The following NNT variants were observed in gnomAD, a reference collection of about 807,000 sequenced individuals.
NNT encodes nicotinamide nucleotide transhydrogenase.
Under a neutral mutation model 104.8 loss-of-function variants are expected in NNT, and 50 were observed. That is an observed-to-expected ratio of 0.48 (90% CI 0.38 to 0.60). The LOEUF is 0.60. Among genes scored for constraint, NNT ranks in the 20% least tolerant of loss-of-function variants. NNT has a pLI of 0.00. For missense variants in NNT, 1,131 were observed against 1,330.7 expected (o/e 0.85, Z 2.33); for synonymous variants, 461 against 490.4 (o/e 0.94, Z 0.79).
intron 17 of NNT, among the ~76,000 whole-genome samples, chr5:43,666,270 G>T (rs948315094): frequency 1.1e-4 from 16 of 152,098 alleles, no homozygotes; most frequent in African/African-American, 3.1e-4. Flanking sequence ...GTAGCCAGCC[G>T]AGAGCATGCC....
chr5:43,689,611 G>T (rs1742160829), intron 19 of NNT, among the ~76,000 whole-genome samples: 1 of 152,062 alleles, frequency 6.6e-6, no homozygotes. Flanking sequence ...TTTCGCGTGT[G>T]GCTTACAATT....
chr5:43,695,828 G>C (rs960301071), intron 19 of NNT, among the ~76,000 whole-genome samples: 12 of 152,196 alleles, frequency 7.9e-5, no homozygotes, highest in African/African-American at 2.9e-4. Context: ...AGCCAAAAAA[G>C]AGAGCTTGTG....
At chr5:43,645,653 A>ATCTCTCTCTC (rs372296149) in intron 10 of NNT, 143 bp downstream of exon 10, 45 of 68,552 alleles carry the variant, frequency 6.6e-4, no homozygotes, top group African/African-American at 1.1e-3. Flanking sequence ...CTATCTATCT[A>ATCTCTCTCTC]TCTCTCTCTC....
At chr5:43,636,920 T>G (rs549635544) in intron 7 of NNT, among the ~76,000 whole-genome samples, 1 of 152,306 alleles carries the variant, frequency 6.6e-6, no homozygotes, top group East Asian at 1.9e-4. Context: ...AAATAGATCT[T>G]TAGGAATTTT....
chr5:43,629,314 T>C (rs569521602), intron 7 of NNT, among the ~76,000 whole-genome samples: 9 of 152,364 alleles, frequency 5.9e-5, no homozygotes, highest in African/African-American at 2.2e-4. Context: ...TTGTTCCTTT[T>C]TGTGGCTGAG....
intron 1 of NNT, among the ~76,000 whole-genome samples, chr5:43,608,834 G>A (rs934120844): frequency 6.6e-6 from 1 of 152,204 alleles, no homozygotes; most frequent in African/African-American, 2.4e-5. Context: ...ATATGTGTGT[G>A]TATTAAAGCT....
intron 12 of NNT, among the ~76,000 whole-genome samples, 195 bp downstream of exon 12, chr5:43,650,782 G>A (rs12516443): frequency 1.3e-5 from 2 of 152,170 alleles, no homozygotes; most frequent in Non-Finnish European, 2.9e-5. Flanking sequence ...ACAACCCCCA[G>A]ATCCCCAAAA....
chr5:43,681,388 TA>T (rs1741709114), intron 19 of NNT, among the ~76,000 whole-genome samples: 1 of 152,226 alleles, frequency 6.6e-6, no homozygotes, highest in South Asian at 2.1e-4. Flanking sequence ...ACTTTCAACT[TA>T]TTTTTTTTAA....
intron 7 of NNT, among the ~76,000 whole-genome samples, chr5:43,641,576 TAATC>T (rs1348042941): frequency 7.9e-5 from 12 of 152,244 alleles, no homozygotes; most frequent in Admixed American, 2.0e-4. Context: ...TATGTAATAT[TAATC>T]TATGTATATA....
At chr5:43,616,659 T>C (rs1399013018) in intron 4 of NNT, among the ~76,000 whole-genome samples, 1 of 152,196 alleles carries the variant, frequency 6.6e-6, no homozygotes, top group African/African-American at 2.4e-5. Flanking sequence ...ATACATTCTA[T>C]GTTGATTGCC....
rs763845437 is a variant in NNT, at chr5:43,700,212, G to T, written c.2970G>T (p.Met990Ile). The change falls in exon 20 of 22, where the codon ATG (methionine) becomes ATT (isoleucine). Residue 990 changes from methionine (M) to isoleucine (I), a missense_variant. Coordinates refer to ENST00000344920, the MANE Select transcript of NNT (RefSeq NM_182977.3). ...AGVPYDIVLE[M>I]DEINHDFPDT... is the part of the protein sequence containing the mutation. ...TGCCATATGACATTGTGTTGGAAAT[G>T]GATGAGATCAACCATGATTTTCCAG... is the stretch of plus-strand genomic sequence containing the variant. 1 of 1,613,044 alleles carries T rather than the reference G, an allele frequency of 6.2e-7. No individual in the cohort carries two copies. Among genetic ancestry groups the T allele is most frequent in the South Asian group, 1.1e-5 (1 of 90,922 alleles).
At chr5:43,672,690 C>T (rs1741183067) in intron 17 of NNT, among the ~76,000 whole-genome samples, 1 of 152,200 alleles carries the variant, frequency 6.6e-6, no homozygotes, top group African/African-American at 2.4e-5. Flanking sequence ...GTCAGTCTGC[C>T]CCTACTGGAG....
chr5:43,665,746 C>T (rs1395196206), intron 17 of NNT, among the ~76,000 whole-genome samples: 1 of 138,928 alleles, frequency 7.2e-6, no homozygotes, highest in Admixed American at 7.2e-5. Context: ...CTGTTGGGTA[C>T]ACCTCCCAGA....
intron 17 of NNT, among the ~76,000 whole-genome samples, chr5:43,661,661 T>C (rs1740370226): frequency 6.8e-6 from 1 of 147,592 alleles, no homozygotes; most frequent in African/African-American, 2.5e-5. Context: ...ACATTCGGTG[T>C]TTGGTTTTTT....
intron 19 of NNT, among the ~76,000 whole-genome samples, chr5:43,692,665 T>C (rs1039134748): frequency 6.6e-6 from 1 of 152,118 alleles, no homozygotes; most frequent in African/African-American, 2.4e-5. Context: ...TTATGATGAT[T>C]GCAAAATGGT....
At chr5:43,643,124 T>C (rs1047684856) in intron 7 of NNT, among the ~76,000 whole-genome samples, 1 of 152,018 alleles carries the variant, frequency 6.6e-6, no homozygotes, top group African/African-American at 2.4e-5. Flanking sequence ...GGGGTCTTGC[T>C]ATGTGCTGGT....
At chr5:43,641,805 T>C (rs942180591) in intron 7 of NNT, among the ~76,000 whole-genome samples, 43 of 152,344 alleles carry the variant, frequency 2.8e-4, no homozygotes, top group African/African-American at 9.9e-4. Context: ...ATTGAATTTC[T>C]GAGCAATAAT....
intron 20 of NNT, 121 bp downstream of exon 20, chr5:43,700,358 C>A: frequency 1.6e-6 from 1 of 615,468 alleles, no homozygotes; most frequent in Non-Finnish European, 2.8e-6. Context: ...AGAACTTGTA[C>A]ATGGTAGATA....
chr5:43,693,767 T>C (rs1220358500), intron 19 of NNT, among the ~76,000 whole-genome samples: 1 of 152,170 alleles, frequency 6.6e-6, no homozygotes, highest in Non-Finnish European at 1.5e-5. Flanking sequence ...GATAGAATAA[T>C]TCATGGTTGA....
Sources: gnomAD v4.1 joint callset for allele counts (sites outside exome capture counted in the v4.1 genomes callset) on GRCh38, gnomAD v4.1.1 for gene constraint, MANE v1.5 for transcripts, NCBI Gene and HGNC (gene_info 2026-07-23, HGNC 2026-07-21) for gene names.